Variants in CSMD3 observed in about 807,000 individuals in gnomAD.
CSMD3 encodes the protein CUB and sushi domain-containing protein 3.
Under a neutral mutation model 435.2 loss-of-function variants are expected in CSMD3, and 177 were observed. The ratio of observed to expected loss-of-function variants is 0.41; its 90% confidence interval spans 0.36 to 0.46. The LOEUF (loss-of-function observed/expected upper bound fraction) is 0.46, where lower values mean the gene tolerates loss of function less well. Among genes scored for constraint, CSMD3 ranks in the 20% least tolerant of loss-of-function variants. The pLI, the probability that CSMD3 is intolerant of heterozygous loss-of-function variation, is 0.34. For missense variants in CSMD3, 4,265 were observed against 4,504.6 expected (o/e 0.95, Z 1.52); for synonymous variants, 1,656 against 1,520.5 (o/e 1.09, Z -2.07).
At chr8:112,956,947 T>C (rs932717037) in intron 7 of CSMD3, among the ~76,000 whole-genome samples, 3 of 152,080 alleles carry the variant, frequency 2.0e-5, no homozygotes, top group East Asian at 1.9e-4. Flanking sequence ...TTTTTGGACA[T>C]GACAAAGTGT....
chr8:113,160,687 T>C (rs995974702), intron 4 of CSMD3, among the ~76,000 whole-genome samples: 4 of 152,040 alleles, frequency 2.6e-5, no homozygotes, highest in African/African-American at 9.7e-5. Context: ...TAGTTAAATT[T>C]TAAAAGAACG....
chr8:113,067,806 G>A (rs2088927136), intron 5 of CSMD3, among the ~76,000 whole-genome samples: 1 of 152,046 alleles, frequency 6.6e-6, no homozygotes, highest in Non-Finnish European at 1.5e-5. Flanking sequence ...AATGCATGGT[G>A]TGCTTAGGGT....
At chr8:113,094,839 A>C (rs548364655) in intron 5 of CSMD3, among the ~76,000 whole-genome samples, 1 of 152,220 alleles carries the variant, frequency 6.6e-6, no homozygotes, top group African/African-American at 2.4e-5. Context: ...TGGGAGGCCG[A>C]GGACGGTAGA....
intron 1 of CSMD3, among the ~76,000 whole-genome samples, chr8:113,421,077 AC>A (rs940206882): frequency 3.3e-5 from 5 of 152,224 alleles, no homozygotes; most frequent in Non-Finnish European, 7.3e-5. Flanking sequence ...TTAGAAAAAA[AC>A]ACGAAGAATA....
chr8:112,529,676 G>A (rs556910332), intron 27 of CSMD3, among the ~76,000 whole-genome samples: 11 of 152,044 alleles, frequency 7.2e-5, no homozygotes, highest in African/African-American at 2.7e-4. Context: ...CTCTGGCCAG[G>A]CTGGTTGATG....
At chr8:112,280,980 G>A (rs1358239747) in intron 59 of CSMD3, among the ~76,000 whole-genome samples, 194 bp downstream of exon 59, 1 of 152,030 alleles carries the variant, frequency 6.6e-6, no homozygotes, top group East Asian at 1.9e-4. Flanking sequence ...GTAGTACCTT[G>A]ATAAGCCAAC....
At position 112,405,202 on chromosome 8, in the gene CSMD3, A is replaced by ACC. The variant is rs1563903967; in HGVS notation, c.5809+1321_5809+1322insGG. 1.3e-3 allele frequency among the ~76,000 whole-genome samples: 47 copies of ACC among 36,198 alleles called. 6 individuals carry two copies. Among genetic ancestry groups the ACC allele is most frequent in the Non-Finnish European group, 2.0e-3 (38 of 19,066 alleles). The allele number at this position is 36,198 out of a possible 152,430, so 23.7% of individuals were successfully genotyped here. A position where few individuals can be genotyped will look rare whatever the true frequency, so the allele number is the denominator to read the frequency against. ...CTCTCTCAAAAAAAAAAAAAAAAAAAAAAAAAACCCCCATATATATATATA... is the reference window on the plus strand; with the variant it reads ...CTCTCTCAAAAAAAAAAAAAAAAAAACCAAAAAAACCCCCATATATATATATA... On this transcript the variant is annotated intron_variant, in intron 35 of 70. Coordinates refer to ENST00000297405, the MANE Select transcript of CSMD3 (RefSeq NM_198123.2).
intron 9 of CSMD3, among the ~76,000 whole-genome samples, chr8:112,932,122 T>G (rs2083129015): frequency 6.6e-6 from 1 of 152,090 alleles, no homozygotes; most frequent in Admixed American, 6.6e-5. Flanking sequence ...AGGAAATCAG[T>G]CCTTTGGGAT....
At chr8:112,624,534 A>T (rs1276671818) in intron 22 of CSMD3, among the ~76,000 whole-genome samples, 2 of 152,082 alleles carry the variant, frequency 1.3e-5, no homozygotes, top group African/African-American at 4.8e-5. Context: ...TATTCTTTAC[A>T]TCTAGCTTTG....
At chr8:113,257,912 T>C (rs2093396738) in intron 3 of CSMD3, among the ~76,000 whole-genome samples, 1 of 152,198 alleles carries the variant, frequency 6.6e-6, no homozygotes, top group African/African-American at 2.4e-5. Flanking sequence ...TTTAATTTGC[T>C]GATTTATGTA....
chr8:112,367,666 G>A (rs180926094), intron 38 of CSMD3, among the ~76,000 whole-genome samples: 1 of 152,220 alleles, frequency 6.6e-6, no homozygotes, highest in East Asian at 1.9e-4. Context: ...GTGAACCAAT[G>A]CAACAGCCTC....
At chr8:112,538,766 C>T (rs58552247) in intron 27 of CSMD3, 46,849 of 151,784 alleles carry the variant, frequency 0.31, 7,379 homozygotes, top group East Asian at 0.47. Context: ...AAGGTCCTTA[C>T]TACCCAAAGT....
rs1056178539 is a variant in CSMD3 at position 112,231,621 on chromosome 8, C to G, written c.10752G>C (p.Glu3584Asp). The G allele has an allele frequency of 2.5e-6, 4 of 1,608,650 alleles. No individual in the cohort carries two copies. The highest frequency in any genetic ancestry group is 3.4e-6 in the Non-Finnish European group (4 of 1,175,408). Residue 3584 changes from glutamate (E) to aspartate (D), a missense_variant, in exon 69 of 71, where the codon GAG becomes GAC. Coordinates refer to ENST00000297405, the MANE Select transcript of CSMD3 (RefSeq NM_198123.2). ...NWAMDGFVSAEPDGATYVFQG... is the reference protein window; with the variant it reads ...NWAMDGFVSADPDGATYVFQG... The stretch of plus-strand genomic sequence containing the variant: ...GAAATACATAAGTAGCTCCATCAGG[C>G]TCAGCAGAAACCTAAAAATATTTAA...
intron 9 of CSMD3, among the ~76,000 whole-genome samples, chr8:112,928,067 C>A (rs776081796): frequency 9.9e-5 from 15 of 152,104 alleles, no homozygotes; most frequent in Admixed American, 2.0e-4. Context: ...CAGATAAATT[C>A]TATCACTAGG....
chr8:112,911,123 T>C (rs1404685987), intron 10 of CSMD3, among the ~76,000 whole-genome samples: 1 of 151,914 alleles, frequency 6.6e-6, no homozygotes, highest in Admixed American at 6.6e-5. Flanking sequence ...TTTCTTATCA[T>C]TCACTTAATC....
At chr8:112,504,694 A>T (rs552766180) in intron 29 of CSMD3, among the ~76,000 whole-genome samples, 47 of 152,294 alleles carry the variant, frequency 3.1e-4, no homozygotes, top group African/African-American at 1.1e-3. Context: ...TTGTGTTAAT[A>T]TTGCAAGATT....
intron 3 of CSMD3, among the ~76,000 whole-genome samples, chr8:113,206,551 T>C: frequency 6.6e-6 from 1 of 152,124 alleles, no homozygotes. Flanking sequence ...CTGTATATTC[T>C]TCTCTATTCT....
chr8:112,516,700 C>T (rs73700990), intron 28 of CSMD3, among the ~76,000 whole-genome samples: 119 of 152,184 alleles, frequency 7.8e-4, no homozygotes, highest in African/African-American at 2.5e-3. Context: ...ATCAATATGA[C>T]CCATTTTAAT....
At chr8:112,392,861 T>C (rs1012003757) in intron 35 of CSMD3, among the ~76,000 whole-genome samples, 2 of 132,810 alleles carry the variant, frequency 1.5e-5, no homozygotes, top group African/African-American at 3.6e-5. Context: ...GTTTCTTTTT[T>C]TTCTTTTTTT....
Sources: gnomAD v4.1 joint callset for allele counts (sites outside exome capture counted in the v4.1 genomes callset) on GRCh38, gnomAD v4.1.1 for gene constraint, MANE v1.5 for transcripts, NCBI Gene and HGNC (gene_info 2026-07-23, HGNC 2026-07-21) for gene names.